The following TMEM242 variants were observed in gnomAD, a reference collection of about 807,000 sequenced individuals.
TMEM242 encodes the protein UPF0463 transmembrane protein C6orf35.
Under a neutral mutation model 18.2 loss-of-function variants are expected in TMEM242, and 10 were observed. That is an observed-to-expected ratio of 0.55 (90% CI 0.34 to 0.93). The LOEUF is 0.93. Ranked by LOEUF, TMEM242 falls within the 40% of genes least tolerant of loss-of-function variation. TMEM242 has a pLI of 0.02. For synonymous variants in TMEM242, 57 were observed against 69.9 expected, an observed-to-expected ratio of 0.81 and a Z score of 0.92; for missense variants, 186 against 175.5, an observed-to-expected ratio of 1.06 and a Z score of -0.34.
intron 3 of TMEM242, among the ~76,000 whole-genome samples, chr6:157,308,924 C>A (rs34051820): frequency 0.033 from 4,997 of 152,274 alleles, 261 homozygotes; most frequent in African/African-American, 0.11. Context: ...TTTGACTCAA[C>A]AAACAATAAC....
Position 157,322,885 on chromosome 6 carries a change from T to C in TMEM242, c.89-80A>G, listed in dbSNP as rs1554250830. 5 of 1,171,462 alleles carry C rather than the reference T, an allele frequency of 4.3e-6. No homozygotes were observed. In the African/African-American group the frequency reaches 6.2e-5, roughly 15 times the overall value. 72.6% of individuals were successfully genotyped at this position (1,171,462 alleles called of 1,614,324 possible). The stretch of plus-strand genomic sequence containing the variant: ...GGTTAAAAAGATGTACAAAAGTAAG[T>C]TTAAGATACTATTCGAGTTACAATC... On this transcript the variant is annotated intron_variant, in intron 1 of 3. Coordinates refer to ENST00000400788, the MANE Select transcript of TMEM242 (RefSeq NM_018452.6).
chr6:157,312,744 ACCT>A (rs1778214323), intron 3 of TMEM242, among the ~76,000 whole-genome samples: 1 of 95,686 alleles, frequency 1.0e-5, no homozygotes. Flanking sequence ...GTGTGCGCTC[ACCT>A]GGCCTCATCT....
intron 3 of TMEM242, among the ~76,000 whole-genome samples, chr6:157,303,005 T>A (rs191144370): frequency 9.8e-5 from 15 of 152,356 alleles, no homozygotes; most frequent in Non-Finnish European, 1.2e-4. Context: ...TTCCATTCTC[T>A]CACCAATCTT....
At chr6:157,315,657 A>G (rs1208110788) in intron 3 of TMEM242, among the ~76,000 whole-genome samples, 1 of 152,242 alleles carries the variant, frequency 6.6e-6, no homozygotes, top group African/African-American at 2.4e-5. Flanking sequence ...AAAGGATTCC[A>G]CATATTCTTA....
chr6:157,311,555 C>CACACAACCG, intron 3 of TMEM242, among the ~76,000 whole-genome samples: 3 of 130,124 alleles, frequency 2.3e-5, no homozygotes, highest in Admixed American at 7.7e-5. Flanking sequence ...TCCCAGTGTG[C>CACACAACCG]GCTCACCTAG....
At chr6:157,293,739 C>G (rs1777714744) in intron 3 of TMEM242, among the ~76,000 whole-genome samples, 1 of 151,526 alleles carries the variant, frequency 6.6e-6, no homozygotes, top group Admixed American at 6.6e-5. Flanking sequence ...AGCAAGGGAA[C>G]AAGAGATTTT....
intron 3 of TMEM242, among the ~76,000 whole-genome samples, chr6:157,315,770 C>T (rs1562387847): frequency 6.6e-6 from 1 of 152,202 alleles, no homozygotes; most frequent in Admixed American, 6.5e-5. Context: ...TCACATTCTA[C>T]CCATCTTCAG....
intron 3 of TMEM242, among the ~76,000 whole-genome samples, chr6:157,314,728 T>G (rs782237342): frequency 3.2e-4 from 49 of 152,390 alleles, no homozygotes; most frequent in Middle Eastern, 3.4e-3. Flanking sequence ...TGTTTATATT[T>G]AATGTTATTA....
chr6:157,320,998 C>CTTTTTTTTTTTTTTTTTTT (rs201521248), intron 2 of TMEM242, among the ~76,000 whole-genome samples: 1 of 135,592 alleles, frequency 7.4e-6, no homozygotes, highest in Non-Finnish European at 1.6e-5. Flanking sequence ...TTTCCCATTT[C>CTTTTTTTTTTTTTTTTTTT]TTTTTTTTTT....
Position 157,318,742 on chromosome 6 carries a change from T to C in TMEM242, c.327+40A>G, listed in dbSNP as rs1778446818. On this transcript the variant is annotated intron_variant, in intron 3 of 3. Transcript: ENST00000400788. ...AAAATTTAGAACACAGTAAGCAGAA[T>C]AAACATGTAGATACCAGGGACAAGA... 4 of 1,611,164 alleles carry C rather than the reference T, an allele frequency of 2.5e-6. No homozygotes were observed. The South Asian group carries it at 4.4e-5, about 18-fold the overall frequency.
intron 3 of TMEM242, among the ~76,000 whole-genome samples, chr6:157,294,883 A>C (rs1389534425): frequency 6.6e-6 from 1 of 152,192 alleles, no homozygotes; most frequent in Non-Finnish European, 1.5e-5. Context: ...TGCTTACTCT[A>C]TTAAGCCATA....
chr6:157,309,897 T>C (rs1039882704), intron 3 of TMEM242, among the ~76,000 whole-genome samples: 1 of 151,866 alleles, frequency 6.6e-6, no homozygotes, highest in Admixed American at 6.6e-5. Flanking sequence ...ATTCCTACTA[T>C]ACTAGGCATC....
chr6:157,304,490 AAGAGAG>A (rs1241198895), intron 3 of TMEM242, among the ~76,000 whole-genome samples: 3 of 69,918 alleles, frequency 4.3e-5, no homozygotes, highest in East Asian at 6.6e-4. Context: ...AAAAAAAAAA[AAGAGAG>A]AGAGAGAGAG....
In TMEM242 at chr6:157,300,187, A is replaced by C. The variant is rs1224245287; in HGVS notation, c.328-7188T>G. On this transcript the variant is annotated intron_variant, in intron 3 of 3. Transcript: ENST00000400788. ...AGAAAACTGCTGACCAGGACGTCGC[A>C]ACGCCAAGAGAGCCATTAGCAGCAC... The C allele has an allele frequency of 8.2e-6, 4 of 488,764 alleles. No homozygotes were observed. In the East Asian group the frequency reaches 1.2e-4, roughly 14 times the overall value. 30.3% of individuals were successfully genotyped at this position (488,764 alleles called of 1,614,324 possible).
At chr6:157,314,536 C>G (rs1206987508) in intron 3 of TMEM242, among the ~76,000 whole-genome samples, 1 of 152,200 alleles carries the variant, frequency 6.6e-6, no homozygotes, top group African/African-American at 2.4e-5. Context: ...ACTGAACAGT[C>G]AAGCCGTGCT....
chr6:157,302,393 CA>C (rs1777842951), intron 3 of TMEM242, among the ~76,000 whole-genome samples: 1 of 152,178 alleles, frequency 6.6e-6, no homozygotes, highest in African/African-American at 2.4e-5. Flanking sequence ...TGTTGTTGAA[CA>C]TGAAATTCAA....
At chr6:157,313,121 C>CAGTGTGCGCTCACCT (rs1562385929) in intron 3 of TMEM242, among the ~76,000 whole-genome samples, 961 of 9,010 alleles carry the variant, frequency 0.11, 195 homozygotes, top group East Asian at 0.35. Flanking sequence ...TGTGCTCACC[C>CAGTGTGCGCTCACCT]GGCCTCATCA....
At chr6:157,312,909 C>G (rs1554249509) in intron 3 of TMEM242, among the ~76,000 whole-genome samples, 1 of 133,318 alleles carries the variant, frequency 7.5e-6, no homozygotes, top group Admixed American at 7.5e-5. Flanking sequence ...TCCCACTGTG[C>G]GCTCACCCGG....
chr6:157,311,097 A>G (rs1554248601), intron 3 of TMEM242, among the ~76,000 whole-genome samples: 1 of 148,130 alleles, frequency 6.8e-6, no homozygotes, highest in African/African-American at 2.6e-5. Flanking sequence ...TAGCCACATC[A>G]TAGTGTCCCA....
Sources: allele counts gnomAD v4.1 joint callset (sites outside exome capture counted in the v4.1 genomes callset), GRCh38; gene constraint gnomAD v4.1.1; transcripts MANE v1.5; gene names NCBI Gene and HGNC (gene_info 2026-07-23, HGNC 2026-07-21).